Variants in ELMO3 observed in about 807,000 individuals in gnomAD.
The protein encoded by ELMO3 is engulfment and cell motility protein 3.
In ELMO3, 81 loss-of-function variants were observed where a neutral mutation model predicts 89.0. The ratio of observed to expected loss-of-function variants is 0.91; its 90% CI spans 0.76 to 1.09. The LOEUF (loss-of-function observed/expected upper bound fraction) is 1.09. Ranked by LOEUF, ELMO3 falls within the 50% of genes least tolerant of loss-of-function variation. The probability of loss-of-function intolerance (pLI) is 0.00; values close to 1 mark genes in which losing one functional copy is unlikely to be tolerated. For synonymous variants in ELMO3, 406 were observed against 400.6 expected (o/e 1.01, Z -0.16); for missense variants, 959 against 972.8 (o/e 0.99, Z 0.19).
Position 67,203,662 on chromosome 16 carries a change from C to A in ELMO3, c.1951-3C>A. ...GACCCTCACGGCTCTGTGCCACCCC[C>A]AGTTCTACCTGTGGACAGATGGGCT... is the stretch of plus-strand genomic sequence containing the variant. On this transcript the variant is annotated splice_polypyrimidine_tract_variant and splice_region_variant and intron_variant, in intron 19 of 19. Coordinates refer to ENST00000393997, the MANE Select transcript of ELMO3 (RefSeq NM_024712.5). The surrounding 1 kb of genome is among the most constrained non-coding windows in gnomAD (Gnocchi z 4.6). 1 of 1,613,722 alleles carries A rather than the reference C, an allele frequency of 6.2e-7. No individual in the cohort carries two copies. Among genetic ancestry groups the A allele is most frequent in the Non-Finnish European group, 8.5e-7 (1 of 1,179,880 alleles).
In ELMO3 at chr16:67,200,247, G is replaced by A. The variant is rs754967465; in HGVS notation, c.299G>A (p.Arg100His). 1.4e-5 allele frequency: 23 copies of A among 1,613,616 alleles called. No individual in the cohort carries two copies. The South Asian group carries it at 2.1e-4, about 15-fold the overall frequency. ...CTGCAGAGTAACAGTCCTGAAGGGC[G>A]CCGGGAAGCCCTGAGGCGCCTTGTT... is the stretch of plus-strand genomic sequence containing the variant. ...GGLQSNSPEG[R>H]REALRRLVPL... The change falls in exon 5 of 20, where the codon CGC becomes CAC. Residue 100 changes from arginine (R) to histidine (H), a missense_variant. Arg to His is a conservative substitution (Grantham distance 29). Transcript: ENST00000393997.
chr16:67,200,306 G>A lies in ELMO3; in HGVS notation c.358G>A (p.Val120Ile), dbSNP rs1475528667. Residue 120 changes from valine to isoleucine, a missense_variant, in exon 5 of 20, where the codon GTC (valine) becomes ATC (isoleucine). Val to Ile is a conservative substitution (Grantham distance 29, BLOSUM62 3). Transcript: ENST00000393997. The part of the protein sequence containing the change: ...LASDMIFARE[V>I]ISRNGLQILG... ...CTCGGACATGATCTTTGCCAGGGAG[G>A]TCATCAGCCGTAATGGGCTCCAGAT... 8 of 1,613,772 alleles carry A rather than the reference G, an allele frequency of 5.0e-6. 1 individual carries two copies. In the Admixed American group the frequency reaches 1.0e-4, roughly 20 times the overall value.
At position 67,201,417 on chromosome 16, in the gene ELMO3, T is replaced by G. The variant is rs759394106; in HGVS notation, c.777T>G (p.Leu259=). Residue 259 remains leucine, a synonymous_variant, in exon 9 of 20, where the codon CTT becomes CTG. Transcript: ENST00000393997. ...TTGACTATCTTTGGCAGAGGAACCT[T>G]CGCCAGTTCATCTATAAGGTAGGAA... The part of the protein sequence containing the change: ...HMLDYLWQRN[L]RQFIYKNIIH... 9 of 1,613,996 alleles carry G rather than the reference T, an allele frequency of 5.6e-6. No homozygotes were observed. The highest frequency in any genetic ancestry group is 7.6e-6 in the Non-Finnish European group (9 of 1,180,004).
At chr16:67,202,561 G>A (rs1195400357) in intron 14 of ELMO3, 28 bp downstream of exon 14, 6 of 1,612,620 alleles carry the variant, frequency 3.7e-6, no homozygotes, top group Non-Finnish European at 5.1e-6. Context: ...TGGGAGGCCT[G>A]GGCCAGGGCA....
chr16:67,201,862 C>T lies in ELMO3; in HGVS notation c.1039C>T (p.Leu347=). The change falls in exon 11 of 20, where the codon CTG becomes TTG. Residue 347 remains leucine, a synonymous_variant. Transcript: ENST00000393997. The part of the protein sequence containing the change: ...RSLCAREFRK[L]GFSNSNPAQD... ...CCTCTGTGCCCGAGAGTTCCGCAAA[C>T]TGGGCTTTTCTGTGAGTATCACCCC... The T allele has an allele frequency of 6.2e-7, 1 of 1,607,900 alleles. No individual in the cohort carries two copies. The highest frequency in any genetic ancestry group is 1.1e-5 in the South Asian group (1 of 90,764).
chr16:67,201,536 C>A lies in ELMO3; in HGVS notation c.812C>A (p.Ala271Glu). ...GTCCTGCAGAACATCATCCACAGTG[C>A]AGCACCAATGGGCGACGAGATGGCT... ...QFIYKNIIHSAAPMGDEMAHH... is the reference protein window; with the variant it reads ...QFIYKNIIHSEAPMGDEMAHH... Residue 271 changes from alanine to glutamate, a missense_variant, in exon 10 of 20, where the codon GCA (alanine) becomes GAA (glutamate). Physicochemically the swap from Ala to Glu is moderately radical, Grantham distance 107. Coordinates refer to ENST00000393997, the MANE Select transcript of ELMO3 (RefSeq NM_024712.5). 1 of 1,614,108 alleles carries A rather than the reference C, an allele frequency of 6.2e-7. No individual in the cohort carries two copies. Among genetic ancestry groups the A allele is most frequent in the Non-Finnish European group, 8.5e-7 (1 of 1,180,026 alleles).
In ELMO3 at chr16:67,199,818, G is replaced by A. The variant is rs1221462966; in HGVS notation, c.192+62G>A. 4 of 1,601,242 alleles carry A rather than the reference G, an allele frequency of 2.5e-6. No homozygotes were observed. The East Asian group carries it at 6.8e-5, about 27-fold the overall frequency. On this transcript the variant is annotated intron_variant, in intron 3 of 19. Transcript: ENST00000393997. Reference sequence around the variant, plus strand: ...CGACCCCTCTAACCCACCTGGCCCCGATAACTCTGGCTCTTCATCCCACTA... The same window carrying A: ...CGACCCCTCTAACCCACCTGGCCCCAATAACTCTGGCTCTTCATCCCACTA...
chr16:67,201,013 G>T (rs933111597), intron 8 of ELMO3, 45 bp downstream of exon 8: 1 of 1,558,184 alleles, frequency 6.4e-7, no homozygotes, highest in Non-Finnish European at 8.6e-7. Flanking sequence ...CCCGGTGGGC[G>T]CTGCCCCACC....
Position 67,202,909 on chromosome 16 carries a change from T to C in ELMO3, c.1580T>C (p.Leu527Pro). Residue 527 changes from leucine (L) to proline (P), a missense_variant, in exon 16 of 20, where the codon CTG (leucine) becomes CCG (proline). Physicochemically the swap from Leu to Pro is moderately conservative, Grantham distance 98. Transcript: ENST00000393997. ...TCTATCAGGGAGCTGCGGGAGAAGC[T>C]GAAGCCAGAGCTCATGGGCCTGATC... The part of the protein sequence containing the change: ...APPILELREK[L>P]KPELMGLIRQ... The C allele has an allele frequency of 6.2e-7, 1 of 1,612,614 alleles. No homozygotes were observed. The highest frequency in any genetic ancestry group is 8.5e-7 in the Non-Finnish European group (1 of 1,179,980).
intron 11 of ELMO3, 25 bp downstream of exon 11, chr16:67,201,898 C>G (rs1023782351): frequency 1.2e-6 from 2 of 1,602,578 alleles, no homozygotes; most frequent in Middle Eastern, 1.7e-4. Flanking sequence ...TACCCAACTC[C>G]CCACCCCTGC....
At position 67,200,196 on chromosome 16, in the gene ELMO3, T is replaced by C. The variant is rs1365212604; in HGVS notation, c.248T>C (p.Leu83Pro). The change falls in exon 5 of 20, where the codon CTT becomes CCT. Residue 83 changes from leucine to proline, a missense_variant. Coordinates refer to ENST00000393997, the MANE Select transcript of ELMO3 (RefSeq NM_024712.5). ...CTCCTGCTCCGTTCCTGCCAGGACC[T>C]TGAGGCTGAGCAGCTCTTGGGTGGG... ...SILCLSTAPDLEAEQLLGGLQ... is the reference protein window; with the variant it reads ...SILCLSTAPDPEAEQLLGGLQ... 1.2e-6 allele frequency: 2 copies of C among 1,611,694 alleles called. No individual in the cohort carries two copies. Among genetic ancestry groups the C allele is most frequent in the African/African-American group, 1.3e-5 (1 of 74,900 alleles).
chr16:67,199,954 C>A lies in ELMO3; in HGVS notation c.196C>A (p.Arg66Ser). 1 of 1,613,952 alleles carries A rather than the reference C, an allele frequency of 6.2e-7. No homozygotes were observed. Among genetic ancestry groups the A allele is most frequent in the African/African-American group, 1.3e-5 (1 of 75,062 alleles). The change falls in exon 4 of 20, where the codon CGC becomes AGC. Residue 66 changes from arginine (R) to serine (S), a missense_variant. Physicochemically the swap from Arg to Ser is moderately radical, Grantham distance 110 (BLOSUM62 -1). Coordinates refer to ENST00000393997, the MANE Select transcript of ELMO3 (RefSeq NM_024712.5). ...CCTTTTCTGCTGTCTTCTCCAGAAC[C>A]GCGCGGAGATCAAGAATGGCAGCAT... Reference protein sequence around the residue: ...GHRRYITENNRAEIKNGSILC... With the variant: ...GHRRYITENNSAEIKNGSILC...
Position 67,200,466 on chromosome 16 carries a change from G to C in ELMO3, c.429G>C (p.Leu143=). The C allele has an allele frequency of 8.1e-6, 13 of 1,613,334 alleles. No individual in the cohort carries two copies. The highest frequency in any genetic ancestry group is 1.1e-5 in the Non-Finnish European group (13 of 1,179,626). ...CCCCCTCCAGCCTAGGAGAGGTGCT[G>C]GCCCTCAGCCTGAGGGCCTTCTCAG... ...IEDGDDLGEV[L]ALSLRAFSEL... Residue 143 remains leucine, a synonymous_variant, in exon 6 of 20, where the codon CTG becomes CTC. Transcript: ENST00000393997.
At position 67,201,783 on chromosome 16, in the gene ELMO3, C is replaced by T. The variant is rs751683195; in HGVS notation, c.960C>T (p.Phe320=). 5.6e-6 allele frequency: 9 copies of T among 1,611,844 alleles called. No individual in the cohort carries two copies. Among genetic ancestry groups the T allele is most frequent in the East Asian group, 2.2e-5 (1 of 44,884 alleles). Residue 320 remains phenylalanine, a synonymous_variant, in exon 11 of 20, where the codon TTC becomes TTT. Transcript: ENST00000393997. ...EQLQVLRQAA[F]EVEGESSGAG... is the part of the protein sequence containing the mutation. ...TGCAGGTCCTACGCCAGGCTGCCTT[C>T]GAGGTGGAGGGGGAGTCCTCGGGTG...
chr16:67,203,151 C>T lies in ELMO3; in HGVS notation c.1708C>T (p.His570Tyr). 6.2e-7 allele frequency: 1 copy of T among 1,612,418 alleles called. No individual in the cohort carries two copies. Among genetic ancestry groups the T allele is most frequent in the South Asian group, 1.1e-5 (1 of 90,968 alleles). The part of the protein sequence containing the change: ...KLWFCCLSPN[H>Y]KLLQYGDMEE... ...GTGGTTCTGCTGCCTGTCCCCCAAC[C>T]ACAAGCTGCTGCAGTACGGAGACAT... The change falls in exon 17 of 20, where the codon CAC becomes TAC. Residue 570 changes from histidine to tyrosine, a missense_variant. His to Tyr is a moderately conservative substitution (Grantham distance 83). Transcript: ENST00000393997. This position sits in a 1 kb window ranked among gnomAD's most constrained non-coding sequence, Gnocchi z 4.6.
rs183361180 is a variant in ELMO3 at position 67,200,997 on chromosome 16, G to A, written c.744+29G>A. 0.012 allele frequency: 18,414 copies of A among 1,575,264 alleles called. 1,018 individuals carry two copies. The African/African-American group carries it at 0.14, about 12-fold the overall frequency. ...AGTGTCGATCGGTGGCTAGATGGGG[G>A]CAGCACCCGGTGGGCGCTGCCCCAC... On this transcript the variant is annotated intron_variant, in intron 8 of 19. Transcript: ENST00000393997.
chr16:67,201,360 GC>G (rs1336149027), intron 8 of ELMO3, 24 bp from the exon 9 acceptor site: 5 of 1,613,396 alleles, frequency 3.1e-6, no homozygotes. Flanking sequence ...CCCAGCCTAA[GC>G]CCCCTTTCTT....
rs1438565967 is a variant in ELMO3, at chr16:67,199,208, C to T, written c.-119C>T. The T allele has an allele frequency of 4.3e-6, 7 of 1,611,202 alleles. No individual in the cohort carries two copies. The highest frequency in any genetic ancestry group is 5.9e-6 in the Non-Finnish European group (7 of 1,179,544). Reference sequence around the variant, plus strand: ...AGTCTGGGCCGCGAGTGCGGGACACCGAGGTCAGGTCTCGGAAAGGGAGGA... The same window carrying T: ...AGTCTGGGCCGCGAGTGCGGGACACTGAGGTCAGGTCTCGGAAAGGGAGGA... On this transcript the variant is annotated 5_prime_UTR_variant, in exon 1 of 20. Transcript: ENST00000393997.
Position 67,203,168 on chromosome 16 carries a change from C to G in ELMO3, c.1725C>G (p.Tyr575Ter). The G allele has an allele frequency of 1.9e-6, 3 of 1,612,208 alleles. No individual in the cohort carries two copies. The highest frequency in any genetic ancestry group is 2.5e-6 in the Non-Finnish European group (3 of 1,179,856). ...CCCCCAACCACAAGCTGCTGCAGTA[C>G]GGAGACATGGAGGAGGGCGCCAGCC... ...CLSPNHKLLQYGDMEEGASPP... is the reference protein window; with the variant it reads ...CLSPNHKLLQ Residue 575 changes from tyrosine to a stop codon, truncating the protein, a stop_gained, in exon 17 of 20, where the codon TAC (tyrosine) becomes TAG (stop). Coordinates refer to ENST00000393997, the MANE Select transcript of ELMO3 (RefSeq NM_024712.5). LOFTEE classifies it high-confidence loss of function. This position sits in a 1 kb window ranked among gnomAD's most constrained non-coding sequence, Gnocchi z 4.6.
Sources: allele counts gnomAD v4.1 joint callset, GRCh38; gene constraint gnomAD v4.1.1; non-coding constraint Gnocchi (gnomAD v3.1); transcripts MANE v1.5; gene names NCBI Gene and HGNC (gene_info 2026-07-23, HGNC 2026-07-21).